IFFO2: variants seen among roughly 807,000 people sequenced by gnomAD.
IFFO2 encodes the protein intermediate filament family orphan 2.
Under a neutral mutation model 53.5 loss-of-function variants are expected in IFFO2, and 19 were observed. That is an observed-to-expected ratio of 0.36 (90% CI 0.25 to 0.52). IFFO2 has a LOEUF of 0.52. Among genes scored for constraint, IFFO2 ranks in the 20% least tolerant of loss-of-function variants. The pLI is 0.94. For missense variants in IFFO2, 570 were observed against 727.4 expected (o/e 0.78, Z 2.49); for synonymous variants, 303 against 313.6 (o/e 0.97, Z 0.36).
chr1:18,934,163 G>A lies in IFFO2; in HGVS notation c.666-13042C>T, dbSNP rs569583738. Among the ~76,000 whole-genome samples the A allele has an allele frequency of 2.2e-3, 307 of 141,480 alleles. 1 individual carries two copies. The highest frequency in any genetic ancestry group is 7.5e-3 in the African/African-American group (278 of 37,098). 92.8% of individuals were successfully genotyped at this position (141,480 alleles called of 152,430 possible). A position where few individuals can be genotyped will look rare whatever the true frequency, so the allele number is the denominator to read the frequency against. ...AACTCACTGCACCTCCACCTCCTGGGCTCAAGCAATCCCCCTGCCTCAGCC... is the reference window on the plus strand; with the variant it reads ...AACTCACTGCACCTCCACCTCCTGGACTCAAGCAATCCCCCTGCCTCAGCC... On this transcript the variant is annotated intron_variant, in intron 1 of 8. Coordinates refer to ENST00000455833, the MANE Select transcript of IFFO2 (RefSeq NM_001136265.2).
Position 18,919,708 on chromosome 1 carries a change from C to T in IFFO2, c.792G>A (p.Glu264=). The T allele has an allele frequency of 6.4e-7, 1 of 1,551,706 alleles. No homozygotes were observed. Among genetic ancestry groups the T allele is most frequent in the Non-Finnish European group, 8.7e-7 (1 of 1,146,986 alleles). The change falls in exon 3 of 9, where the codon GAG becomes GAA. Residue 264 remains glutamate, a synonymous_variant. Coordinates refer to ENST00000455833, the MANE Select transcript of IFFO2 (RefSeq NM_001136265.2). This position sits in a 1 kb window ranked among gnomAD's most constrained non-coding sequence, Gnocchi z 4.9. ...TCATAAGCCCCTTAAACACCACCAG[C>T]TCGGCCTTGAGCCGCTCGATCTTCT... ...MNEKIERLKA[E]LVVFKGLMSD...
rs756424446 is a variant in IFFO2 at position 18,910,399 on chromosome 1, C to T, written c.1391G>A (p.Arg464Gln). The change falls in exon 8 of 9, where the codon CGA (arginine) becomes CAA (glutamine). Residue 464 changes from arginine (R) to glutamine (Q), a missense_variant. Transcript: ENST00000455833. ...HEYMEMCSMK[R>Q]GLDVQMETCR... Reference sequence around the variant, plus strand: ...GGTCTCCATCTGCACGTCCAGGCCTCGCTTCATGCTGCACATCTCCATGTA... The same window carrying T: ...GGTCTCCATCTGCACGTCCAGGCCTTGCTTCATGCTGCACATCTCCATGTA... 1.2e-6 allele frequency: 2 copies of T among 1,613,836 alleles called. No individual in the cohort carries two copies. The highest frequency in any genetic ancestry group is 1.7e-6 in the Non-Finnish European group (2 of 1,179,918).
At position 18,947,120 on chromosome 1, in the gene IFFO2, A is replaced by G. The variant is rs2148189955; in HGVS notation, c.665+8548T>C. 6.6e-6 allele frequency among the ~76,000 whole-genome samples: 1 copy of G among 152,314 alleles called. No individual in the cohort carries two copies. The highest frequency in any genetic ancestry group is 2.1e-4 in the South Asian group (1 of 4,830). On this transcript the variant is annotated intron_variant, in intron 1 of 8. Coordinates refer to ENST00000455833, the MANE Select transcript of IFFO2 (RefSeq NM_001136265.2). The surrounding 1 kb of genome is among the most constrained non-coding windows in gnomAD (Gnocchi z 5.0). The stretch of plus-strand genomic sequence containing the variant: ...AACCACCACCACTTTGGCTTCTCAG[A>G]CATCCACACCCAGCAGTCTCATCTT...
intron 1 of IFFO2, among the ~76,000 whole-genome samples, chr1:18,951,996 G>A (rs888187887): frequency 2.0e-5 from 3 of 152,160 alleles, no homozygotes; most frequent in African/African-American, 7.2e-5. Flanking sequence ...GAGGAGCTGA[G>A]GCCCAGAGAG....
intron 1 of IFFO2, among the ~76,000 whole-genome samples, chr1:18,950,733 G>A (rs1316637708): frequency 3.3e-5 from 5 of 152,212 alleles, no homozygotes; most frequent in Non-Finnish European, 7.3e-5. Flanking sequence ...TCAGGGGCCA[G>A]CACCCACCTG....
intron 1 of IFFO2, among the ~76,000 whole-genome samples, chr1:18,943,955 C>A (rs1936554377): frequency 6.6e-6 from 1 of 152,328 alleles, no homozygotes; most frequent in East Asian, 1.9e-4. Flanking sequence ...GTGCTCTGTC[C>A]TCTGGGAGTT....
intron 1 of IFFO2, among the ~76,000 whole-genome samples, chr1:18,950,460 A>T (rs1936645865): frequency 6.6e-6 from 1 of 152,218 alleles, no homozygotes; most frequent in African/African-American, 2.4e-5. Context: ...GAGCAACAAG[A>T]TGATCCCTCT....
chr1:18,929,394 C>T (rs1936343218), intron 1 of IFFO2, among the ~76,000 whole-genome samples: 1 of 152,204 alleles, frequency 6.6e-6, no homozygotes, highest in Non-Finnish European at 1.5e-5. Context: ...GCCCCCTCAG[C>T]AAGGACACTT....
chr1:18,932,929 A>C (rs1400999240), intron 1 of IFFO2, among the ~76,000 whole-genome samples: 3 of 152,336 alleles, frequency 2.0e-5, no homozygotes, highest in Admixed American at 2.0e-4. Flanking sequence ...AGCCTTCATG[A>C]GCGAGCGTTG....
chr1:18,913,769 G>C (rs1228437603), intron 5 of IFFO2, among the ~76,000 whole-genome samples: 3 of 152,210 alleles, frequency 2.0e-5, no homozygotes, highest in Admixed American at 1.3e-4. Context: ...ACTGCAGAAT[G>C]GGGGTGGGGG....
chr1:18,956,053 G>A lies in IFFO2; in HGVS notation c.280C>T (p.Arg94Trp). 2.0e-6 allele frequency: 3 copies of A among 1,471,318 alleles called. No individual in the cohort carries two copies. Among genetic ancestry groups the A allele is most frequent in the East Asian group, 5.6e-5 (2 of 35,678 alleles). 91.1% of individuals were successfully genotyped at this position (1,471,318 alleles called of 1,614,324 possible). Residue 94 changes from arginine to tryptophan, a missense_variant, in exon 1 of 9, where the codon CGG becomes TGG. By Grantham distance (101) the Arg-to-Trp change is moderately radical (BLOSUM62 -3). Transcript: ENST00000455833. This position sits in a 1 kb window ranked among gnomAD's most constrained non-coding sequence, Gnocchi z 6.4. ...QLEQQQSERE[R>W]RLRYKTFSRE... The stretch of plus-strand genomic sequence containing the variant: ...GAGAAGGTCTTGTAGCGCAGCCGCC[G>A]CTCGCGCTCGCTCTGCTGCTGCTCC...
At chr1:18,949,933 G>A (rs2148191846) in intron 1 of IFFO2, among the ~76,000 whole-genome samples, 1 of 152,354 alleles carries the variant, frequency 6.6e-6, no homozygotes, top group African/African-American at 2.4e-5. Context: ...CTGTCTCCCT[G>A]CTTCCTTTTC....
Position 18,919,773 on chromosome 1 carries a change from C to T in IFFO2, c.727G>A (p.Ala243Thr). ...LQTMVDTLQE[A>T]AQEADAIQEE... is the part of the protein sequence containing the mutation. The stretch of plus-strand genomic sequence containing the variant: ...TGGATGGCATCAGCCTCCTGTGCTG[C>T]CTGCGGGGACGGAGATGGGGAGGCT... The change falls in exon 3 of 9, where the codon GCA (alanine) becomes ACA (threonine). Residue 243 changes from alanine (A) to threonine (T), a missense_variant and splice_region_variant. Physicochemically the swap from Ala to Thr is moderately conservative, Grantham distance 58. Transcript: ENST00000455833. This position sits in a 1 kb window ranked among gnomAD's most constrained non-coding sequence, Gnocchi z 4.9. The T allele has an allele frequency of 1.3e-6, 2 of 1,550,232 alleles. No homozygotes were observed. Among genetic ancestry groups the T allele is most frequent in the Non-Finnish European group, 1.7e-6 (2 of 1,145,840 alleles).
chr1:18,935,066 C>T (rs1936427311), intron 1 of IFFO2, among the ~76,000 whole-genome samples: 1 of 152,186 alleles, frequency 6.6e-6, no homozygotes, highest in South Asian at 2.1e-4. Flanking sequence ...GCATTCTCTA[C>T]CACAGGCTCC....
At chr1:18,943,503 G>A (rs1001754081) in intron 1 of IFFO2, among the ~76,000 whole-genome samples, 3 of 152,188 alleles carry the variant, frequency 2.0e-5, no homozygotes, top group East Asian at 3.8e-4. Flanking sequence ...CAGCCTCTAC[G>A]GTTCACCCAA....
chr1:18,916,763 A>C lies in IFFO2; in HGVS notation c.1103+140T>G. 2 of 1,081,348 alleles carry C rather than the reference A, an allele frequency of 1.8e-6. No homozygotes were observed. Among genetic ancestry groups the C allele is most frequent in the Non-Finnish European group, 2.6e-6 (2 of 767,906 alleles). The allele number at this position is 1,081,348 out of a possible 1,614,324, so 67.0% of individuals were successfully genotyped here. A position where few individuals can be genotyped will look rare whatever the true frequency, so the allele number is the denominator to read the frequency against. ...CCTCCAGCCTGGGTGACAAAGTGAG[A>C]CCCTGTCTCAAAAAAAAAAAGGAAA... On this transcript the variant is annotated intron_variant, in intron 5 of 8. Coordinates refer to ENST00000455833, the MANE Select transcript of IFFO2 (RefSeq NM_001136265.2). This position sits in a 1 kb window ranked among gnomAD's most constrained non-coding sequence, Gnocchi z 4.3.
rs368170432 is a variant in IFFO2, at chr1:18,918,326, G to A, written c.963+36C>T. ...GAGGCCAGGGCTGCTCTGGGAGAGT[G>A]GGGGGTTGGCTGGTGAGCAGGGCAG... On this transcript the variant is annotated intron_variant, in intron 4 of 8. Transcript: ENST00000455833. The surrounding 1 kb of genome is among the most constrained non-coding windows in gnomAD (Gnocchi z 5.2). The A allele has an allele frequency of 3.8e-4, 584 of 1,538,634 alleles. 5 individuals are homozygous for A. The South Asian group carries it at 4.9e-3, about 13-fold the overall frequency.
intron 1 of IFFO2, among the ~76,000 whole-genome samples, chr1:18,937,666 C>T (rs918842388): frequency 6.6e-6 from 1 of 152,256 alleles, no homozygotes; most frequent in African/African-American, 2.4e-5. Flanking sequence ...CACCCTCATT[C>T]TGCTGATGGG....
Position 18,906,193 on chromosome 1 carries a change from A to G in IFFO2, c.*2368T>C, listed in dbSNP as rs7524220. On this transcript the variant is annotated 3_prime_UTR_variant, in exon 9 of 9. Transcript: ENST00000455833. ...GGAGAGCAGATATTAAAAGCCAGCC[A>G]GAAGGGACTCTCAGGCCAGGATCTC... 6,389 of 152,298 alleles carry G rather than the reference A, an allele frequency of 0.042. 307 individuals carry two copies. The highest frequency in any genetic ancestry group is 0.11 in the African/African-American group (4,510 of 41,534). The allele number at this position is 152,298 out of a possible 1,614,324, so 9.4% of individuals were successfully genotyped here. A position where few individuals can be genotyped will look rare whatever the true frequency, so the allele number is the denominator to read the frequency against.
Sources: gnomAD v4.1 joint callset for allele counts (sites outside exome capture counted in the v4.1 genomes callset) on GRCh38, gnomAD v4.1.1 for gene constraint, Gnocchi (gnomAD v3.1) non-coding constraint, MANE v1.5 for transcripts, NCBI Gene and HGNC (gene_info 2026-07-23, HGNC 2026-07-21) for gene names.